The following PAX5 variants were observed in gnomAD, a reference collection of about 807,000 sequenced individuals.
PAX5 encodes the protein paired box 5, also known as paired box protein Pax-5.
In PAX5, 9 loss-of-function variants were observed where a neutral mutation model predicts 43.7. The ratio of observed to expected loss-of-function variants is 0.21; its 90% CI spans 0.12 to 0.36. PAX5 has a LOEUF of 0.36. Ranked by LOEUF, PAX5 falls within the 10% of genes least tolerant of loss-of-function variation. The pLI, the probability that PAX5 is intolerant of heterozygous loss-of-function variation, is 1.00. For synonymous variants in PAX5, 228 were observed against 214.3 expected (o/e 1.06, Z -0.56); for missense variants, 383 against 532.7 (o/e 0.72, Z 2.77).
intron 4 of PAX5, among the ~76,000 whole-genome samples, chr9:37,003,462 T>G (rs1344820583): frequency 1.3e-5 from 2 of 152,208 alleles, no homozygotes; most frequent in Non-Finnish European, 2.9e-5. Context: ...AGAACAATCT[T>G]AGAAGCTAGG....
intron 5 of PAX5, among the ~76,000 whole-genome samples, chr9:37,000,193 C>G (rs1446005290): frequency 1.3e-5 from 2 of 152,178 alleles, no homozygotes; most frequent in African/African-American, 4.8e-5. Context: ...GGCACTTATG[C>G]AATACCCCCG....
Position 36,882,819 on chromosome 9 carries a change from C to T in PAX5, c.911-714G>A, listed in dbSNP as rs1391127924. 6.6e-6 allele frequency among the ~76,000 whole-genome samples: 1 copy of T among 152,254 alleles called. No individual in the cohort carries two copies. The highest frequency in any genetic ancestry group is 1.5e-5 in the Non-Finnish European group (1 of 68,042). ...CACACTCCCATGGGCGAGTGTCCAG[C>T]TCTTTCAGGCTGCTGTGCTTCTGAC... On this transcript the variant is annotated intron_variant, in intron 7 of 9. Transcript: ENST00000358127. The surrounding 1 kb of genome is among the most constrained non-coding windows in gnomAD (Gnocchi z 4.4).
chr9:36,945,519 G>GTTT (rs1221268834), intron 6 of PAX5, among the ~76,000 whole-genome samples: 1 of 152,246 alleles, frequency 6.6e-6, no homozygotes, highest in East Asian at 1.9e-4. Context: ...GGGATGACAG[G>GTTT]TGTAAGCCAC....
chr9:36,862,062 C>T (rs547091386), intron 8 of PAX5, among the ~76,000 whole-genome samples: 10 of 152,276 alleles, frequency 6.6e-5, no homozygotes, highest in East Asian at 1.9e-4. Flanking sequence ...AGGGCACTCA[C>T]GGAGCGGGGC....
intron 6 of PAX5, among the ~76,000 whole-genome samples, chr9:36,945,568 A>T (rs1223121746): frequency 6.6e-6 from 1 of 152,246 alleles, no homozygotes; most frequent in Non-Finnish European, 1.5e-5. Flanking sequence ...ATGCCAAGAT[A>T]ACCAAATCAA....
At chr9:36,992,592 C>A (rs1837039744) in intron 5 of PAX5, among the ~76,000 whole-genome samples, 1 of 152,194 alleles carries the variant, frequency 6.6e-6, no homozygotes, top group South Asian at 2.1e-4. Context: ...GGGATAGAAG[C>A]AAGAAGCACT....
At chr9:36,867,280 A>T (rs1824988869) in intron 8 of PAX5, among the ~76,000 whole-genome samples, 1 of 152,090 alleles carries the variant, frequency 6.6e-6, no homozygotes, top group African/African-American at 2.4e-5. Context: ...TTCGGTATAC[A>T]CCTGGTGTCC....
At position 36,839,122 on chromosome 9, in the gene PAX5, C is replaced by T. The variant is rs1206807325; in HGVS notation, c.*1438G>A. The T allele has an allele frequency of 2.6e-5, 6 of 233,444 alleles. No homozygotes were observed. Among genetic ancestry groups the T allele is most frequent in the Non-Finnish European group, 3.4e-5 (4 of 118,246 alleles). The allele number at this position is 233,444 out of a possible 1,614,324, so 14.5% of individuals were successfully genotyped here. ...CAGGTAAAGAGATGATGGCACCTGG[C>T]ACCCCCATGTCAAAATCACTCCCAG... On this transcript the variant is annotated 3_prime_UTR_variant, in exon 10 of 10. Transcript: ENST00000358127.
At chr9:37,005,355 A>C (rs1374868893) in intron 4 of PAX5, among the ~76,000 whole-genome samples, 2 of 152,220 alleles carry the variant, frequency 1.3e-5, no homozygotes, top group Non-Finnish European at 2.9e-5. Context: ...CACCGCAGGG[A>C]CTTAGCAGAC....
In PAX5 at chr9:36,977,760, C is replaced by T. The variant is rs575829747; in HGVS notation, c.605-11036G>A. On this transcript the variant is annotated intron_variant, in intron 5 of 9. Coordinates refer to ENST00000358127, the MANE Select transcript of PAX5 (RefSeq NM_016734.3). ...TTGGCCAGGCTGGCCTCCCAAAGTGCTGGGATTACAGGCATGAACCACCAT... is the reference window on the plus strand; with the variant it reads ...TTGGCCAGGCTGGCCTCCCAAAGTGTTGGGATTACAGGCATGAACCACCAT... Among the ~76,000 whole-genome samples, 10 of 152,272 alleles carry T rather than the reference C, an allele frequency of 6.6e-5. No individual in the cohort carries two copies. In the South Asian group the frequency reaches 2.1e-3, roughly 32 times the overall value.
chr9:36,884,453 C>T lies in PAX5; in HGVS notation c.911-2348G>A, dbSNP rs1017994164. 2.6e-5 allele frequency among the ~76,000 whole-genome samples: 4 copies of T among 152,098 alleles called. No individual in the cohort carries two copies. In the East Asian group the frequency reaches 7.7e-4, roughly 29 times the overall value. On this transcript the variant is annotated intron_variant, in intron 7 of 9. Coordinates refer to ENST00000358127, the MANE Select transcript of PAX5 (RefSeq NM_016734.3). ...AATTCAATATTAATTCCTTATGATA[C>T]CTCTTAGTAAATAAGAATTGAAGTA... is the stretch of plus-strand genomic sequence containing the variant.
chr9:36,999,896 C>T (rs888345832), intron 5 of PAX5, among the ~76,000 whole-genome samples: 2 of 152,106 alleles, frequency 1.3e-5, no homozygotes, highest in Non-Finnish European at 2.9e-5. Context: ...TGAAACTCTT[C>T]CCCATACTGG....
chr9:36,927,016 G>A (rs1384348177), intron 6 of PAX5, among the ~76,000 whole-genome samples: 6 of 152,164 alleles, frequency 3.9e-5, no homozygotes, highest in Non-Finnish European at 8.8e-5. Flanking sequence ...GCCGAAGTCA[G>A]GCTCAGAGGT....
At chr9:36,908,943 T>C (rs1432483375) in intron 7 of PAX5, among the ~76,000 whole-genome samples, 1 of 152,272 alleles carries the variant, frequency 6.6e-6, no homozygotes, top group African/African-American at 2.4e-5. Context: ...TAATTCATTT[T>C]ATTCAACAAA....
intron 3 of PAX5, among the ~76,000 whole-genome samples, chr9:37,014,156 T>A (rs1002065749): frequency 1.3e-5 from 2 of 152,200 alleles, no homozygotes; most frequent in African/African-American, 4.8e-5. Flanking sequence ...GGAGTTGAAA[T>A]TTCATCATCT....
At chr9:36,990,470 T>C (rs1836835005) in intron 5 of PAX5, among the ~76,000 whole-genome samples, 1 of 152,192 alleles carries the variant, frequency 6.6e-6, no homozygotes, top group Non-Finnish European at 1.5e-5. Context: ...CTGAGAACAA[T>C]GGGCAGATTT....
chr9:36,881,496 C>T (rs17482790), intron 8 of PAX5, among the ~76,000 whole-genome samples: 10,786 of 152,000 alleles, frequency 0.071, 396 homozygotes, highest in Middle Eastern at 0.16. Context: ...CAGGTTCCAA[C>T]GGCCACAGGG....
intron 6 of PAX5, among the ~76,000 whole-genome samples, chr9:36,943,567 C>G (rs1041044742): frequency 5.9e-5 from 9 of 151,308 alleles, no homozygotes; most frequent in Non-Finnish European, 1.3e-4. Flanking sequence ...CACACACACA[C>G]AGCTACATAT....
At chr9:36,986,705 C>T (rs539133337) in intron 5 of PAX5, among the ~76,000 whole-genome samples, 1 of 152,078 alleles carries the variant, frequency 6.6e-6, no homozygotes, top group Non-Finnish European at 1.5e-5. Flanking sequence ...ACGGGGCGCC[C>T]GGACCGCGGG....
Sources: allele counts gnomAD v4.1 joint callset (sites outside exome capture counted in the v4.1 genomes callset), GRCh38; gene constraint gnomAD v4.1.1; non-coding constraint Gnocchi (gnomAD v3.1); transcripts MANE v1.5; gene names NCBI Gene and HGNC (gene_info 2026-07-23, HGNC 2026-07-21).